The following ZNF692 variants were observed in gnomAD, a reference collection of about 807,000 sequenced individuals.
The protein encoded by ZNF692 is AICAR responsive element binding protein.
Under a neutral mutation model 49.0 loss-of-function variants are expected in ZNF692, and 41 were observed. The observed-to-expected ratio is 0.84, with a 90% confidence interval of 0.65 to 1.08. The LOEUF (loss-of-function observed/expected upper bound fraction) is 1.08. Ranked by LOEUF, ZNF692 falls within the 50% of genes least tolerant of loss-of-function variation. The pLI, the probability that ZNF692 is intolerant of heterozygous loss-of-function variation, is 0.00. For synonymous variants in ZNF692, 288 were observed against 251.5 expected (o/e 1.15, Z -1.37); for missense variants, 662 against 662.2 (o/e 1.00, Z 0.00).
At position 248,858,904 on chromosome 1, in the gene ZNF692, C is replaced by T. The variant is rs987802625; in HGVS notation, c.-13+14G>A. 6.4e-6 allele frequency: 2 copies of T among 311,142 alleles called. No individual in the cohort carries two copies. Among genetic ancestry groups the T allele is most frequent in the Non-Finnish European group, 1.2e-5 (2 of 160,384 alleles). The allele number at this position is 311,142 out of a possible 1,614,324, so 19.3% of individuals were successfully genotyped here. A position where few individuals can be genotyped will look rare whatever the true frequency, so the allele number is the denominator to read the frequency against. ...CAGAGCCCCCGTCGCGACCCACCCC[C>T]ACCCCGGCCTTACCTGTGCGCCCCC... On this transcript the variant is annotated intron_variant, in intron 1 of 11. Coordinates refer to ENST00000306601, the MANE Select transcript of ZNF692 (RefSeq NM_017865.4). This position sits in a 1 kb window ranked among gnomAD's most constrained non-coding sequence, Gnocchi z 4.3.
intron 10 of ZNF692, 35 bp downstream of exon 10, chr1:248,853,902 G>A (rs1262072119): frequency 6.5e-7 from 1 of 1,548,278 alleles, no homozygotes; most frequent in Non-Finnish European, 8.9e-7. Flanking sequence ...GAAGGTAAAA[G>A]GTCCCACAGA....
Position 248,855,939 on chromosome 1 carries a change from G to A in ZNF692, c.667C>T (p.Pro223Ser). 6.2e-7 allele frequency: 1 copy of A among 1,613,818 alleles called. No individual in the cohort carries two copies. Among genetic ancestry groups the A allele is most frequent in the Non-Finnish European group, 8.5e-7 (1 of 1,179,950 alleles). ...GAAGGCAGTAGTCTGGGGGCATCAG[G>A]CTCACTACTGAAAGGAGAACAAAGA... ...TYSSSPDDSE[P>S]DAPRLLPSPV... Residue 223 changes from proline to serine, a missense_variant, in exon 7 of 12, where the codon CCT (proline) becomes TCT (serine). Coordinates refer to ENST00000306601, the MANE Select transcript of ZNF692 (RefSeq NM_017865.4).
Position 248,856,557 on chromosome 1 carries a change from C to G in ZNF692, c.481G>C (p.Glu161Gln). 1 of 1,614,134 alleles carries G rather than the reference C, an allele frequency of 6.2e-7. No individual in the cohort carries two copies. Among genetic ancestry groups the G allele is most frequent in the South Asian group, 1.1e-5 (1 of 91,080 alleles). The change falls in exon 5 of 12, where the codon GAA becomes CAA. Residue 161 changes from glutamate (E) to glutamine (Q), a missense_variant. Glu to Gln is a conservative substitution (Grantham distance 29, BLOSUM62 2). Coordinates refer to ENST00000306601, the MANE Select transcript of ZNF692 (RefSeq NM_017865.4). The stretch of plus-strand genomic sequence containing the variant: ...TGAGTCCTCTCATCATGCTCAGATT[C>G]CAAATCTGTGGGACAGGCAAAGTCA... ...ATSGQELADL[E>Q]SEHDERTQEA...
Position 248,856,272 on chromosome 1 carries a change from C to A in ZNF692, c.659+16G>T, listed in dbSNP as rs749318748. ...CCCTCTCTTGCTCTGCTCATTCTCC[C>A]TCAACCCCAACTTGCTCATCTGGGG... On this transcript the variant is annotated intron_variant, in intron 6 of 11. Transcript: ENST00000306601. The A allele has an allele frequency of 1.3e-6, 2 of 1,566,146 alleles. No homozygotes were observed. The highest frequency in any genetic ancestry group is 3.7e-5 in the Admixed American group (2 of 54,162).
chr1:248,858,002 A>G lies in ZNF692; in HGVS notation c.179+129T>C, dbSNP rs1197118887. 3 of 1,547,108 alleles carry G rather than the reference A, an allele frequency of 1.9e-6. No homozygotes were observed. Among genetic ancestry groups the G allele is most frequent in the African/African-American group, 1.4e-5 (1 of 73,404 alleles). ...GGGAGCAGGACCCTCGGAGGCCACA[A>G]GTCACACAGGCCGTCCTGGTAAAGT... is the stretch of plus-strand genomic sequence containing the variant. On this transcript the variant is annotated intron_variant, in intron 2 of 11. Transcript: ENST00000306601. This position sits in a 1 kb window ranked among gnomAD's most constrained non-coding sequence, Gnocchi z 4.3.
chr1:248,855,004 A>C (rs947131695), intron 9 of ZNF692, among the ~76,000 whole-genome samples: 1 of 151,806 alleles, frequency 6.6e-6, no homozygotes, highest in African/African-American at 2.4e-5. Flanking sequence ...CTGTGCCTCA[A>C]ATTTCTCAGG....
At chr1:248,851,186 G>T (rs573772293) in intron 10 of ZNF692, among the ~76,000 whole-genome samples, 1 of 152,048 alleles carries the variant, frequency 6.6e-6, no homozygotes, top group Non-Finnish European at 1.5e-5. Context: ...TGGAGTCAGC[G>T]ATGGGAATTA....
intron 3 of ZNF692, 138 bp downstream of exon 3, chr1:248,857,690 A>G (rs1660399916): frequency 1.0e-5 from 15 of 1,476,970 alleles, no homozygotes; most frequent in Non-Finnish European, 1.3e-5. Context: ...GGTTGCCTCC[A>G]TCAAACTACC....
chr1:248,855,538 C>T lies in ZNF692; in HGVS notation c.959+20G>A. On this transcript the variant is annotated intron_variant, in intron 8 of 11. Coordinates refer to ENST00000306601, the MANE Select transcript of ZNF692 (RefSeq NM_017865.4). Reference sequence around the variant, plus strand: ...CCCTCCTCTCGGCCCTCCCCAGAACCCCATCTCCCTAAGTCCTACCTAATT... The same window carrying T: ...CCCTCCTCTCGGCCCTCCCCAGAACTCCATCTCCCTAAGTCCTACCTAATT... The T allele has an allele frequency of 6.2e-7, 1 of 1,614,188 alleles. No homozygotes were observed. The highest frequency in any genetic ancestry group is 1.3e-5 in the African/African-American group (1 of 75,034).
At position 248,857,822 on chromosome 1, in the gene ZNF692, ACCTAC is replaced by A. The variant is rs759179879; in HGVS notation, c.211+1_211+5del. On this transcript the variant is annotated splice_donor_variant and splice_donor_5th_base_variant and intron_variant, in intron 3 of 11. Transcript: ENST00000306601. LOFTEE classifies it high-confidence loss of function. ...TGGCTCTCACCCCCTGCCATCCCCT[ACCTAC>A]CTGCACAGAGGACACAGCCTGAAGA... 3 of 1,613,178 alleles carry A rather than the reference ACCTAC, an allele frequency of 1.9e-6. No homozygotes were observed. The highest frequency in any genetic ancestry group is 1.7e-6 in the Non-Finnish European group (2 of 1,179,526).
In ZNF692 at chr1:248,858,184, C is replaced by T. The variant is rs1235064071; in HGVS notation, c.126G>A (p.Lys42=). The T allele has an allele frequency of 2.5e-6, 4 of 1,582,168 alleles. No homozygotes were observed. The highest frequency in any genetic ancestry group is 2.2e-5 in the South Asian group (2 of 90,428). ...AGTGCAGGGAGAAGCCCAGCCGCTC[C>T]TTGAGGAGGCACCACTGCTCCATGT... The part of the protein sequence containing the change: ...GGHMEQWCLL[K]ERLGFSLHSQ... The change falls in exon 2 of 12, where the codon AAG becomes AAA. Residue 42 remains lysine (K), a synonymous_variant. Coordinates refer to ENST00000306601, the MANE Select transcript of ZNF692 (RefSeq NM_017865.4). The surrounding 1 kb of genome is among the most constrained non-coding windows in gnomAD (Gnocchi z 4.3).
At chr1:248,854,154 C>T in intron 9 of ZNF692, 103 bp from the exon 10 acceptor site, 1 of 813,270 alleles carries the variant, frequency 1.2e-6, no homozygotes, top group Non-Finnish European at 2.1e-6. Context: ...CCTCTGTCCC[C>T]TTCCTGGCCC....
chr1:248,852,070 T>A (rs1659663766), intron 10 of ZNF692, among the ~76,000 whole-genome samples: 1 of 152,260 alleles, frequency 6.6e-6, no homozygotes, highest in African/African-American at 2.4e-5. Flanking sequence ...GTTCCGGGCC[T>A]GCACATGTGT....
chr1:248,857,233 C>A lies in ZNF692; in HGVS notation c.475+1G>T. ...CATAACTCTGCTTTTTTCCAGCCTA[C>A]CTGCAAGCTCCTGCCCACTCGTGGC... On this transcript the variant is annotated splice_donor_variant, in intron 4 of 11. Transcript: ENST00000306601. LOFTEE classifies it high-confidence loss of function. The A allele has an allele frequency of 2.5e-6, 4 of 1,606,090 alleles. No individual in the cohort carries two copies. Among genetic ancestry groups the A allele is most frequent in the Non-Finnish European group, 3.4e-6 (4 of 1,176,354 alleles).
chr1:248,851,143 T>C (rs1659538426), intron 10 of ZNF692, among the ~76,000 whole-genome samples: 1 of 152,014 alleles, frequency 6.6e-6, no homozygotes, highest in Non-Finnish European at 1.5e-5. Context: ...TATGTATGAA[T>C]TGAAGGCAGT....
chr1:248,851,746 G>C (rs969307583), intron 10 of ZNF692, among the ~76,000 whole-genome samples: 1 of 152,100 alleles, frequency 6.6e-6, no homozygotes, highest in Non-Finnish European at 1.5e-5. Flanking sequence ...CCCATGCACT[G>C]CACCACTTCA....
intron 11 of ZNF692, 22 bp from the exon 12 acceptor site, chr1:248,850,538 G>A (rs1257430588): frequency 1.3e-6 from 2 of 1,595,990 alleles, no homozygotes; most frequent in East Asian, 4.5e-5. Context: ...GACAGAAGAG[G>A]GAAGGAACAA....
At chr1:248,857,059 TAC>T in intron 4 of ZNF692, among the ~76,000 whole-genome samples, 173 bp downstream of exon 4, 1 of 152,348 alleles carries the variant, frequency 6.6e-6, no homozygotes, top group East Asian at 1.9e-4. Context: ...TAGCATACCA[TAC>T]ACTGTATTTT....
rs770556352 is a variant in ZNF692 at position 248,850,404 on chromosome 1, G to A, written c.1366C>T (p.Arg456Cys). The change falls in exon 12 of 12, where the codon CGC becomes TGC. Residue 456 changes from arginine to cysteine, a missense_variant. Arg to Cys is a radical substitution (Grantham distance 180). Coordinates refer to ENST00000306601, the MANE Select transcript of ZNF692 (RefSeq NM_017865.4). ...LRFPCEFCGKRFEKPDSVAAH... is the reference protein window; with the variant it reads ...LRFPCEFCGKCFEKPDSVAAH... ...GCAACACTGTCTGGCTTCTCAAAGCGCTTGCCGCAGAATTCACAGGGGAAG... is the reference window on the plus strand; with the variant it reads ...GCAACACTGTCTGGCTTCTCAAAGCACTTGCCGCAGAATTCACAGGGGAAG... 1.2e-5 allele frequency: 19 copies of A among 1,614,048 alleles called. No homozygotes were observed. The highest frequency in any genetic ancestry group is 1.2e-4 in the Admixed American group (7 of 60,000).
Sources: allele counts gnomAD v4.1 joint callset (sites outside exome capture counted in the v4.1 genomes callset), GRCh38; gene constraint gnomAD v4.1.1; non-coding constraint Gnocchi (gnomAD v3.1); transcripts MANE v1.5; gene names NCBI Gene and HGNC (gene_info 2026-07-23, HGNC 2026-07-21).